CFAP144: variants seen among roughly 807,000 people sequenced by gnomAD.
The protein encoded by CFAP144 is cilia- and flagella-associated protein 144.
the CFAP144 span, chr1:43,147,841 C>A: frequency 6.5e-7 from 1 of 1,542,556 alleles, no homozygotes; most frequent in South Asian, 1.2e-5. Flanking sequence ...CAGCACTACC[C>A]GAGCGCTGTT....
chr1:43,155,887 A>G, the CFAP144 span, among the ~76,000 whole-genome samples: 1 of 152,186 alleles, frequency 6.6e-6, no homozygotes, highest in African/African-American at 2.4e-5. Context: ...TTTTACTTAG[A>G]TTCTATGTGA....
the CFAP144 span, among the ~76,000 whole-genome samples, chr1:43,143,659 A>C: frequency 6.6e-6 from 1 of 152,160 alleles, no homozygotes; most frequent in African/African-American, 2.4e-5. Flanking sequence ...GTCGTTAGGC[A>C]CCCAGGAGTG....
At chr1:43,144,910 G>C in the CFAP144 span, among the ~76,000 whole-genome samples, 9,619 of 152,166 alleles carry the variant, frequency 0.063, 667 homozygotes, top group African/African-American at 0.18. Flanking sequence ...GACAGTTCTG[G>C]GGCAGTTCAG....
chr1:43,148,065 C>G, the CFAP144 span: 1 of 1,613,336 alleles, frequency 6.2e-7, no homozygotes, highest in Non-Finnish European at 8.5e-7. Context: ...CGCAGTATCA[C>G]GTGAATCCCC....
At chr1:43,149,352 C>A in the CFAP144 span, among the ~76,000 whole-genome samples, 2 of 152,198 alleles carry the variant, frequency 1.3e-5, no homozygotes, top group Admixed American at 1.3e-4. Flanking sequence ...CACACACACT[C>A]CTTTCCCCCC....
chr1:43,146,071 C>T, the CFAP144 span, among the ~76,000 whole-genome samples: 2 of 152,104 alleles, frequency 1.3e-5, no homozygotes, highest in Non-Finnish European at 2.9e-5. Context: ...ACACTGCACT[C>T]GAAAACCAAT....
chr1:43,146,357 C>T, the CFAP144 span, among the ~76,000 whole-genome samples: 1 of 152,124 alleles, frequency 6.6e-6, no homozygotes, highest in African/African-American at 2.4e-5. Context: ...AATGCAGATA[C>T]TAGAATGTTT....
At chr1:43,153,668 T>A in the CFAP144 span, among the ~76,000 whole-genome samples, 5 of 151,070 alleles carry the variant, frequency 3.3e-5, no homozygotes, top group Non-Finnish European at 5.9e-5. Context: ...ATTAAAAAAA[T>A]AAAAATTTAA....
the CFAP144 span, among the ~76,000 whole-genome samples, chr1:43,145,662 A>C: frequency 2.0e-5 from 3 of 152,222 alleles, no homozygotes; most frequent in African/African-American, 7.2e-5. Context: ...GACATTAAGA[A>C]GTGCTCTCCT....
the CFAP144 span, among the ~76,000 whole-genome samples, chr1:43,146,119 A>G: frequency 1.7e-3 from 264 of 152,346 alleles, 2 homozygotes; most frequent in Non-Finnish European, 1.5e-3. Flanking sequence ...AAAGGGTAAA[A>G]CAACAAATCC....
chr1:43,151,527 T>TG, the CFAP144 span, among the ~76,000 whole-genome samples: 2 of 151,772 alleles, frequency 1.3e-5, no homozygotes, highest in African/African-American at 4.8e-5. Flanking sequence ...GACCACAGGG[T>TG]GAGGTGGAGA....
At chr1:43,148,145 C>T in the CFAP144 span, 11 of 1,560,528 alleles carry the variant, frequency 7.0e-6, no homozygotes, top group Non-Finnish European at 9.6e-6. Context: ...GAAGGAGGAG[C>T]CCTCCGGGTT....
At chr1:43,146,628 TAAG>T in the CFAP144 span, among the ~76,000 whole-genome samples, 5 of 152,174 alleles carry the variant, frequency 3.3e-5, no homozygotes, top group African/African-American at 1.2e-4. Context: ...AATAATATAT[TAAG>T]AACTCCAACA....
chr1:43,152,167 C>T, the CFAP144 span, among the ~76,000 whole-genome samples: 74 of 152,306 alleles, frequency 4.9e-4, no homozygotes, highest in Admixed American at 1.2e-3. Flanking sequence ...ATTCCATTGT[C>T]CGCCTGCGTC....
At chr1:43,150,584 G>A in the CFAP144 span, among the ~76,000 whole-genome samples, 1 of 152,230 alleles carries the variant, frequency 6.6e-6, no homozygotes, top group South Asian at 2.1e-4. Flanking sequence ...ACTCTAGATT[G>A]TGAGGTTCTT....
chr1:43,143,405 T>G, the CFAP144 span, among the ~76,000 whole-genome samples: 2 of 152,008 alleles, frequency 1.3e-5, no homozygotes, highest in African/African-American at 4.8e-5. Context: ...AGAGTACAAC[T>G]GAAAGTAAGG....
At chr1:43,149,079 C>T in the CFAP144 span, among the ~76,000 whole-genome samples, 1 of 152,146 alleles carries the variant, frequency 6.6e-6, no homozygotes, top group Non-Finnish European at 1.5e-5. Flanking sequence ...ATTCTCTTTC[C>T]CTCCAAGCTG....
chr1:43,147,830 G>C, the CFAP144 span: 14 of 1,526,524 alleles, frequency 9.2e-6, no homozygotes, highest in Admixed American at 3.3e-4. Context: ...CCCCGACCGG[G>C]CAGCACTACC....
At chr1:43,148,056 G>A in the CFAP144 span, 1 of 1,613,858 alleles carries the variant, frequency 6.2e-7, no homozygotes, top group Non-Finnish European at 8.5e-7. Flanking sequence ...AACTCTACAC[G>A]CAGTATCACG....
Sources: allele counts gnomAD v4.1 joint callset (sites outside exome capture counted in the v4.1 genomes callset), GRCh38; gene constraint gnomAD v4.1.1; transcripts MANE v1.5; gene names NCBI Gene and HGNC (gene_info 2026-07-23, HGNC 2026-07-21).